The following PCDHGA6 variants were observed in gnomAD, a reference collection of about 807,000 sequenced individuals.
PCDHGA6 encodes the protein protocadherin gamma-A6.
Under a neutral mutation model 60.6 loss-of-function variants are expected in PCDHGA6, and 41 were observed. The observed-to-expected ratio is 0.68, with a 90% CI of 0.53 to 0.88. The LOEUF is 0.88. PCDHGA6 is among the 40% of genes least tolerant of loss of function. The pLI is 0.00. For synonymous variants in PCDHGA6, 594 were observed against 524.4 expected (o/e 1.13, Z -1.81); for missense variants, 1,312 against 1,203.0 (o/e 1.09, Z -1.34).
chr5:141,494,446 G>C (rs1046119515), intron 1 of PCDHGA6, among the ~76,000 whole-genome samples: 2 of 152,172 alleles, frequency 1.3e-5, no homozygotes, highest in African/African-American at 4.8e-5. Context: ...TGCCACTTTA[G>C]GGGGCTTTGT....
intron 1 of PCDHGA6, chr5:141,392,681 G>A (rs892273174): frequency 9.7e-7 from 1 of 1,026,496 alleles, no homozygotes; most frequent in Non-Finnish European, 1.4e-6. Context: ...CTGGACTGCA[G>A]CGAAACCCGA....
In PCDHGA6 at chr5:141,432,220, C is replaced by A. The variant is rs949257429; in HGVS notation, c.2424+55713C>A. ...CCGACTGTGAAGAGAACGCCCAGAT[C>A]ACTTATTCCCTGGCTGAGAACACCA... On this transcript the variant is annotated intron_variant, in intron 1 of 3. Coordinates refer to ENST00000517434, the MANE Select transcript of PCDHGA6 (RefSeq NM_018919.3). This position sits in a 1 kb window ranked among gnomAD's most constrained non-coding sequence, Gnocchi z 6.0. The A allele has an allele frequency of 2.5e-6, 4 of 1,614,246 alleles. No homozygotes were observed. The highest frequency in any genetic ancestry group is 1.6e-4 in the Middle Eastern group (1 of 6,062).
At chr5:141,439,473 G>T (rs1414737627) in intron 1 of PCDHGA6, among the ~76,000 whole-genome samples, 2 of 152,202 alleles carry the variant, frequency 1.3e-5, no homozygotes, top group South Asian at 2.1e-4. Context: ...CTGCCTTTCA[G>T]CTTGCAAATT....
chr5:141,412,906 TG>T (rs2095588206), intron 1 of PCDHGA6: 2 of 384,208 alleles, frequency 5.2e-6, no homozygotes, highest in Admixed American at 8.2e-5. Context: ...TTCCATTGCA[TG>T]TATCACTTGG....
chr5:141,494,601 A>T (rs1396717178), intron 1 of PCDHGA6, among the ~76,000 whole-genome samples: 1 of 151,892 alleles, frequency 6.6e-6, no homozygotes, highest in East Asian at 1.9e-4. Context: ...ATGAAATGTG[A>T]TTTATCTCTT....
In PCDHGA6 at chr5:141,392,927, G is replaced by C. The variant is rs758960557; in HGVS notation, c.2424+16420G>C. The C allele has an allele frequency of 5.6e-6, 9 of 1,613,832 alleles. No homozygotes were observed. In the East Asian group the frequency reaches 2.0e-4, roughly 36 times the overall value. On this transcript the variant is annotated intron_variant, in intron 1 of 3. Coordinates refer to ENST00000517434, the MANE Select transcript of PCDHGA6 (RefSeq NM_018919.3). Reference sequence around the variant, plus strand: ...AGATTCGCTACTCTGTGCCAGAAGAGACGGACAAAGGCTCCTTCGTGGGTA... The same window carrying C: ...AGATTCGCTACTCTGTGCCAGAAGACACGGACAAAGGCTCCTTCGTGGGTA...
chr5:141,413,235 C>A, intron 1 of PCDHGA6: 1 of 1,613,954 alleles, frequency 6.2e-7, no homozygotes, highest in Non-Finnish European at 8.5e-7. Context: ...TGGTCCTGCT[C>A]TGCCTTTTCT....
At position 141,376,027 on chromosome 5, in the gene PCDHGA6, C is replaced by T. The variant is rs750383085; in HGVS notation, c.1944C>T (p.Asp648=). The T allele has an allele frequency of 1.9e-6, 3 of 1,613,250 alleles. No homozygotes were observed. In the East Asian group the frequency reaches 6.7e-5, roughly 36 times the overall value. The part of the protein sequence containing the change: ...LKQSLVVAVQ[D]HGQPPLSATV... ...AGAGCCTAGTGGTGGCCGTCCAGGACCACGGCCAGCCCCCTCTCTCCGCCA... is the reference window on the plus strand; with the variant it reads ...AGAGCCTAGTGGTGGCCGTCCAGGATCACGGCCAGCCCCCTCTCTCCGCCA... Residue 648 remains aspartate (D), a synonymous_variant, in exon 1 of 4, where the codon GAC becomes GAT. Coordinates refer to ENST00000517434, the MANE Select transcript of PCDHGA6 (RefSeq NM_018919.3).
intron 1 of PCDHGA6, chr5:141,421,396 C>T: frequency 2.5e-6 from 4 of 1,614,036 alleles, no homozygotes; most frequent in South Asian, 1.1e-5. Context: ...GGGGCTGGAG[C>T]CCCGGGAGCT....
chr5:141,421,749 C>T, intron 1 of PCDHGA6: 1 of 1,613,918 alleles, frequency 6.2e-7, no homozygotes, highest in Non-Finnish European at 8.5e-7. Flanking sequence ...ACCAGCTCAG[C>T]CCTAATAATT....
At chr5:141,414,557 A>T (rs749209012) in intron 1 of PCDHGA6, 25 of 1,613,906 alleles carry the variant, frequency 1.5e-5, no homozygotes, top group Non-Finnish European at 2.0e-5. Flanking sequence ...CAAGTCTCCT[A>T]CTTTACCTAT....
intron 1 of PCDHGA6, chr5:141,384,922 C>G: frequency 6.2e-7 from 1 of 1,614,018 alleles, no homozygotes; most frequent in Non-Finnish European, 8.5e-7. Flanking sequence ...CTTGGCCGAC[C>G]TGGGCAGCCT....
chr5:141,392,096 A>G (rs2092464422), intron 1 of PCDHGA6: 1 of 152,256 alleles, frequency 6.6e-6, no homozygotes, highest in Non-Finnish European at 1.5e-5. Context: ...AGAATAATTT[A>G]AAAGCAACAA....
At chr5:141,382,520 G>A (rs1778262322) in intron 1 of PCDHGA6, among the ~76,000 whole-genome samples, 1 of 152,192 alleles carries the variant, frequency 6.6e-6, no homozygotes, top group South Asian at 2.1e-4. Context: ...TTAATTCAGT[G>A]TCTTAAAATG....
At chr5:141,397,810 A>G (rs2093570260) in intron 1 of PCDHGA6, among the ~76,000 whole-genome samples, 1 of 152,218 alleles carries the variant, frequency 6.6e-6, no homozygotes. Context: ...TAGGCACACA[A>G]AAACAATTAC....
chr5:141,504,209 C>T (rs1305672612), intron 2 of PCDHGA6, among the ~76,000 whole-genome samples: 1 of 152,180 alleles, frequency 6.6e-6, no homozygotes, highest in Non-Finnish European at 1.5e-5. Flanking sequence ...TGGGAAAATT[C>T]CAAGTAGAGC....
chr5:141,501,831 C>G (rs1246452764), intron 2 of PCDHGA6, among the ~76,000 whole-genome samples: 1 of 152,176 alleles, frequency 6.6e-6, no homozygotes, highest in African/African-American at 2.4e-5. Context: ...GCCCACCCAC[C>G]TGTTTGGCCC....
chr5:141,477,747 C>A lies in PCDHGA6; in HGVS notation c.2425-17060C>A. ...ACAGCTCATATCAGCGATGGGGGCA[C>A]CCCGGTCCTAGCCACCAACATCAGC... On this transcript the variant is annotated intron_variant, in intron 1 of 3. Coordinates refer to ENST00000517434, the MANE Select transcript of PCDHGA6 (RefSeq NM_018919.3). The surrounding 1 kb of genome is among the most constrained non-coding windows in gnomAD (Gnocchi z 4.9). 1.9e-6 allele frequency: 3 copies of A among 1,613,840 alleles called. No individual in the cohort carries two copies. The highest frequency in any genetic ancestry group is 2.5e-6 in the Non-Finnish European group (3 of 1,180,044).
intron 1 of PCDHGA6, among the ~76,000 whole-genome samples, chr5:141,462,903 T>A (rs1455334521): frequency 6.6e-6 from 1 of 152,208 alleles, no homozygotes; most frequent in Non-Finnish European, 1.5e-5. Context: ...GGAAGGCTAT[T>A]ATGTTTTTTG....
Sources: gnomAD v4.1 joint callset for allele counts (sites outside exome capture counted in the v4.1 genomes callset) on GRCh38, gnomAD v4.1.1 for gene constraint, Gnocchi (gnomAD v3.1) non-coding constraint, MANE v1.5 for transcripts, NCBI Gene and HGNC (gene_info 2026-07-23, HGNC 2026-07-21) for gene names.